CHODL: variants seen among roughly 807,000 people sequenced by gnomAD.
CHODL encodes the protein chondrolectin.
Under a neutral mutation model 34.5 loss-of-function variants are expected in CHODL, and 29 were observed. The observed-to-expected ratio is 0.84, with a 90% CI of 0.63 to 1.15. The LOEUF (loss-of-function observed/expected upper bound fraction) is 1.15, where lower values mean the gene tolerates loss of function less well. Ranked by LOEUF, CHODL falls within the 50% of genes most tolerant of loss-of-function variation. CHODL has a pLI of 0.00. For synonymous variants in CHODL, 125 were observed against 116.1 expected, an observed-to-expected ratio of 1.08 and a Z score of -0.49; for missense variants, 332 against 332.5, an observed-to-expected ratio of 1.00 and a Z score of 0.01.
chr21:18,009,748 C>T (rs1008250208), intron 1 of CHODL, among the ~76,000 whole-genome samples: 6 of 151,056 alleles, frequency 4.0e-5, no homozygotes, highest in Admixed American at 6.6e-5. Context: ...ATTAGCCGGG[C>T]GTGGTGGTAG....
At chr21:18,050,342 G>C (rs148485996) in intron 2 of CHODL, among the ~76,000 whole-genome samples, 3 of 152,016 alleles carry the variant, frequency 2.0e-5, no homozygotes, top group African/African-American at 7.2e-5. Flanking sequence ...GGTATTATTT[G>C]AATTGCATTA....
chr21:18,152,240 A>G (rs2072979315), intron 2 of CHODL, among the ~76,000 whole-genome samples: 1 of 152,202 alleles, frequency 6.6e-6, no homozygotes, highest in Non-Finnish European at 1.5e-5. Context: ...AAGGGTGACT[A>G]CTTTCTATAG....
chr21:17,979,063 A>G (rs1032009115), intron 1 of CHODL, among the ~76,000 whole-genome samples: 7 of 152,124 alleles, frequency 4.6e-5, no homozygotes, highest in African/African-American at 1.7e-4. Context: ...GACTCATGAA[A>G]TTGGATTGGG....
intron 1 of CHODL, among the ~76,000 whole-genome samples, chr21:17,952,763 C>G (rs2063468963): frequency 6.6e-6 from 1 of 152,166 alleles, no homozygotes; most frequent in Non-Finnish European, 1.5e-5. Flanking sequence ...CATTCTCTCA[C>G]TGCTATAAAG....
chr21:18,076,568 A>C (rs2064869055), intron 2 of CHODL, among the ~76,000 whole-genome samples: 1 of 152,236 alleles, frequency 6.6e-6, no homozygotes, highest in South Asian at 2.1e-4. Context: ...GATTTGGAAT[A>C]TTCTGAGCCT....
intron 2 of CHODL, chr21:18,099,874 A>G (rs1160608022): frequency 1.3e-5 from 2 of 152,166 alleles, no homozygotes; most frequent in Admixed American, 6.6e-5. Context: ...CTGAAGAACA[A>G]TGACATGAAG....
chr21:18,231,168 G>C (rs867743538), intron 2 of CHODL, among the ~76,000 whole-genome samples: 1 of 152,070 alleles, frequency 6.6e-6, no homozygotes, highest in Non-Finnish European at 1.5e-5. Context: ...GTTGAAGAAA[G>C]AACTAGTCAA....
intron 2 of CHODL, among the ~76,000 whole-genome samples, chr21:18,195,053 T>G (rs1462540730): frequency 6.6e-6 from 1 of 151,282 alleles, no homozygotes; most frequent in Non-Finnish European, 1.5e-5. Flanking sequence ...ATTTATTTAT[T>G]TATTTATTTA....
intron 1 of CHODL, among the ~76,000 whole-genome samples, chr21:17,998,907 A>C (rs544334371): frequency 6.6e-6 from 1 of 152,248 alleles, no homozygotes; most frequent in Admixed American, 6.5e-5. Flanking sequence ...GGTGATTAAC[A>C]TTAGGCTCCT....
intron 2 of CHODL, among the ~76,000 whole-genome samples, chr21:18,065,276 C>T (rs2064717789): frequency 6.6e-6 from 1 of 152,154 alleles, no homozygotes; most frequent in African/African-American, 2.4e-5. Context: ...GTACTATATG[C>T]CTTCTGTGGA....
At chr21:17,931,554 A>G (rs1203131496) in intron 1 of CHODL, among the ~76,000 whole-genome samples, 1 of 152,254 alleles carries the variant, frequency 6.6e-6, no homozygotes, top group Non-Finnish European at 1.5e-5. Flanking sequence ...TTCTAACCAG[A>G]ATGAAAATTC....
At chr21:18,113,006 A>C (rs2065369801) in intron 2 of CHODL, among the ~76,000 whole-genome samples, 1 of 152,210 alleles carries the variant, frequency 6.6e-6, no homozygotes, top group South Asian at 2.1e-4. Flanking sequence ...AAATATTTGC[A>C]AACTATCCCC....
chr21:18,065,333 G>T (rs774219891), intron 2 of CHODL, among the ~76,000 whole-genome samples: 2 of 152,158 alleles, frequency 1.3e-5, no homozygotes, highest in African/African-American at 2.4e-5. Context: ...CTAACAGACT[G>T]CTTGGACCAT....
intron 2 of CHODL, among the ~76,000 whole-genome samples, chr21:18,126,512 T>C (rs985803215): frequency 6.6e-6 from 1 of 152,222 alleles, no homozygotes; most frequent in African/African-American, 2.4e-5. Flanking sequence ...AGGGATTGCA[T>C]TGACTCTATA....
In CHODL at chr21:17,918,260, C is replaced by T. The variant is rs138983232; in HGVS notation, c.-145+860C>T. Among the ~76,000 whole-genome samples, 1,211 of 152,188 alleles carry T rather than the reference C, an allele frequency of 8.0e-3. 18 individuals carry two copies. Among genetic ancestry groups the T allele is most frequent in the African/African-American group, 0.027 (1,116 of 41,508 alleles). Reference sequence around the variant, plus strand: ...CTCTGACCTTGGGTGAATTACCTAACTTTTCTGTGCCACAATTTTCCATCT... The same window carrying T: ...CTCTGACCTTGGGTGAATTACCTAATTTTTCTGTGCCACAATTTTCCATCT... On this transcript the variant is annotated intron_variant, in intron 1 of 6. Coordinates refer to the CHODL transcript ENST00000400127.
chr21:18,225,265 A>T (rs1465571082), intron 2 of CHODL, among the ~76,000 whole-genome samples: 1 of 152,158 alleles, frequency 6.6e-6, no homozygotes, highest in Non-Finnish European at 1.5e-5. Flanking sequence ...AACTTAGATT[A>T]TCTTAGCTGA....
rs2074125993 is a variant in CHODL at position 18,245,314 on chromosome 21, G to T, written c.79+12G>T. ...CCGCGTGGTCAGCGGTGAGTCAGGG[G>T]CCGTCTCCCCGAAGAACGAGCGGGG... On this transcript the variant is annotated intron_variant, in intron 1 of 5. Coordinates refer to ENST00000299295, the MANE Select transcript of CHODL (RefSeq NM_024944.3). 12 of 1,516,114 alleles carry T rather than the reference G, an allele frequency of 7.9e-6. No individual in the cohort carries two copies. Among genetic ancestry groups the T allele is most frequent in the Non-Finnish European group, 8.8e-6 (10 of 1,137,622 alleles). The allele number at this position is 1,516,114 out of a possible 1,614,324, so 93.9% of individuals were successfully genotyped here.
chr21:18,086,813 G>A (rs79538236), intron 2 of CHODL, among the ~76,000 whole-genome samples: 3,240 of 152,260 alleles, frequency 0.021, 53 homozygotes, highest in Non-Finnish European at 0.036. Context: ...AGTGGCTTCT[G>A]AAGGGCTGAT....
intron 2 of CHODL, among the ~76,000 whole-genome samples, chr21:18,152,843 C>T (rs940952181): frequency 6.6e-6 from 1 of 152,118 alleles, no homozygotes; most frequent in Non-Finnish European, 1.5e-5. Flanking sequence ...ATTTGTGTTG[C>T]CAGCCTGTAA....
Sources: allele counts gnomAD v4.1 joint callset (sites outside exome capture counted in the v4.1 genomes callset), GRCh38; gene constraint gnomAD v4.1.1; transcripts MANE v1.5; gene names NCBI Gene and HGNC (gene_info 2026-07-23, HGNC 2026-07-21).